Variants in IMMT observed in about 807,000 individuals in gnomAD.
IMMT encodes MICOS complex subunit MIC60.
In IMMT, 40 loss-of-function variants were observed where a neutral mutation model predicts 92.7. The ratio of observed to expected loss-of-function variants is 0.43; its 90% CI spans 0.34 to 0.56. The LOEUF is 0.56. Among genes scored for constraint, IMMT ranks in the 20% least tolerant of loss-of-function variants. IMMT has a pLI of 0.03. For missense variants in IMMT, 831 were observed against 912.1 expected, an observed-to-expected ratio of 0.91 and a Z score of 1.14; for synonymous variants, 322 against 336.1, an observed-to-expected ratio of 0.96 and a Z score of 0.46.
intron 6 of IMMT, among the ~76,000 whole-genome samples, chr2:86,167,171 T>TC (rs1491355988): frequency 3.3e-4 from 48 of 144,838 alleles, no homozygotes; most frequent in Non-Finnish European, 3.6e-4. Context: ...TTATTACACT[T>TC]CTTTTTTTTT....
chr2:86,193,375 C>G (rs1360300766), intron 1 of IMMT, among the ~76,000 whole-genome samples: 5 of 147,904 alleles, frequency 3.4e-5, no homozygotes, highest in African/African-American at 1.2e-4. Context: ...CCACTGCACT[C>G]CAGCCTGGGT....
intron 6 of IMMT, among the ~76,000 whole-genome samples, chr2:86,167,328 C>T (rs1379389855): frequency 6.0e-5 from 9 of 149,246 alleles, no homozygotes; most frequent in Admixed American, 1.3e-4. Context: ...CATACCACCA[C>T]GCCCAGCTAA....
At chr2:86,180,464 C>A (rs560913725) in intron 2 of IMMT, among the ~76,000 whole-genome samples, 99 of 150,694 alleles carry the variant, frequency 6.6e-4, no homozygotes, top group Admixed American at 3.0e-3. Context: ...CGGGGTTTCA[C>A]CAAGTTGGCC....
At chr2:86,193,746 A>C (rs1031726797) in intron 1 of IMMT, among the ~76,000 whole-genome samples, 1 of 152,234 alleles carries the variant, frequency 6.6e-6, no homozygotes, top group Non-Finnish European at 1.5e-5. Flanking sequence ...TGGTGAGAAT[A>C]AACCAAAGAA....
intron 6 of IMMT, among the ~76,000 whole-genome samples, chr2:86,168,219 A>G (rs1676849439): frequency 6.6e-6 from 1 of 152,262 alleles, no homozygotes; most frequent in Non-Finnish European, 1.5e-5. Flanking sequence ...ACATTTCTAT[A>G]TGCTGTTTCG....
At chr2:86,169,064 A>G (rs1008593437) in intron 6 of IMMT, among the ~76,000 whole-genome samples, 2 of 152,234 alleles carry the variant, frequency 1.3e-5, no homozygotes, top group Admixed American at 1.3e-4. Context: ...ATGCAAATGC[A>G]TATGTGTATA....
chr2:86,185,886 G>C (rs1016741694), intron 1 of IMMT, among the ~76,000 whole-genome samples: 1 of 152,192 alleles, frequency 6.6e-6, no homozygotes. Flanking sequence ...GTAGAACCAA[G>C]AGCTGAGGAG....
chr2:86,163,630 A>G (rs184439341), intron 7 of IMMT, among the ~76,000 whole-genome samples: 104 of 152,318 alleles, frequency 6.8e-4, no homozygotes, highest in Admixed American at 1.8e-3. Flanking sequence ...CTCCAGGATA[A>G]GAGTCCATAC....
chr2:86,172,135 T>C (rs985863615), intron 4 of IMMT, among the ~76,000 whole-genome samples: 1 of 151,810 alleles, frequency 6.6e-6, no homozygotes, highest in Non-Finnish European at 1.5e-5. Flanking sequence ...ACCTGGCTGA[T>C]TTTTACATTT....
At position 86,159,613 on chromosome 2, in the gene IMMT, C is replaced by T; in HGVS notation, c.955G>A (p.Gly319Arg). The T allele has an allele frequency of 6.3e-7, 1 of 1,586,028 alleles. No homozygotes were observed. Among genetic ancestry groups the T allele is most frequent in the Non-Finnish European group, 8.5e-7 (1 of 1,171,536 alleles). ...IENAKKKEVA[G>R]AKPHITAAEG... The stretch of plus-strand genomic sequence containing the variant: ...GCAGCAGTTATATGAGGCTTGGCCC[C>T]AGCAACCTCTTTTTTCTTTGCATTT... The change falls in exon 9 of 15, where the codon GGG becomes AGG. Residue 319 changes from glycine to arginine, a missense_variant. By Grantham distance (125) the Gly-to-Arg change is moderately radical. Coordinates refer to ENST00000410111, the MANE Select transcript of IMMT (RefSeq NM_006839.3).
chr2:86,162,359 G>A (rs1014883804), intron 7 of IMMT, among the ~76,000 whole-genome samples: 1 of 133,790 alleles, frequency 7.5e-6, no homozygotes, highest in African/African-American at 2.8e-5. Flanking sequence ...TTTTTTTTAA[G>A]ATTCTCAAAA....
chr2:86,149,334 C>G (rs1032690783), intron 12 of IMMT, among the ~76,000 whole-genome samples: 1 of 152,090 alleles, frequency 6.6e-6, no homozygotes, highest in Non-Finnish European at 1.5e-5. Flanking sequence ...CAAAAAATAC[C>G]AGGGTGCCTG....
intron 11 of IMMT, among the ~76,000 whole-genome samples, chr2:86,152,191 A>G (rs544419723): frequency 1.3e-5 from 2 of 152,262 alleles, no homozygotes; most frequent in South Asian, 4.1e-4. Context: ...CTGTAATCCC[A>G]GCACTTTGGG....
At chr2:86,181,711 C>T (rs1253550046) in intron 1 of IMMT, among the ~76,000 whole-genome samples, 1 of 151,798 alleles carries the variant, frequency 6.6e-6, no homozygotes, top group African/African-American at 2.4e-5. Context: ...AAAAAAAAAT[C>T]TATTTTTACT....
intron 3 of IMMT, 77 bp downstream of exon 3, chr2:86,179,356 C>T (rs1020794761): frequency 2.5e-6 from 3 of 1,209,872 alleles, no homozygotes; most frequent in African/African-American, 1.6e-5. Context: ...CAAAAGACAA[C>T]TGTATTTTCA....
intron 11 of IMMT, among the ~76,000 whole-genome samples, chr2:86,152,445 A>AAAAAAAAAAAAAAAC (rs1675528427): frequency 6.6e-6 from 1 of 150,882 alleles, no homozygotes; most frequent in African/African-American, 2.4e-5. Flanking sequence ...CATCTCAAAA[A>AAAAAAAAAAAAAAAC]AAAAAAAAAA....
chr2:86,190,317 G>A (rs747321094), intron 1 of IMMT, among the ~76,000 whole-genome samples: 8 of 152,224 alleles, frequency 5.3e-5, no homozygotes, highest in Non-Finnish European at 1.0e-4. Context: ...CCACACACAA[G>A]TTCAATCCTA....
At chr2:86,172,239 G>C (rs930016690) in intron 4 of IMMT, among the ~76,000 whole-genome samples, 3 of 151,832 alleles carry the variant, frequency 2.0e-5, no homozygotes, top group African/African-American at 7.3e-5. Context: ...CAAAGTGCTG[G>C]GATTACAGGT....
chr2:86,181,198 T>C lies in IMMT; in HGVS notation c.119+101A>G, dbSNP rs1573937807. Reference sequence around the variant, plus strand: ...AAGCTTCGGTGTATGTACCCCTTTTTAAAAAAAGGTTTAGACAGCTATTCC... The same window carrying C: ...AAGCTTCGGTGTATGTACCCCTTTTCAAAAAAAGGTTTAGACAGCTATTCC... On this transcript the variant is annotated intron_variant, in intron 2 of 14. Transcript: ENST00000410111. 2.5e-5 allele frequency: 21 copies of C among 824,422 alleles called. 1 individual carries two copies. In the East Asian group the frequency reaches 4.9e-4, roughly 19 times the overall value. The allele number at this position is 824,422 out of a possible 1,614,324, so 51.1% of individuals were successfully genotyped here. A position where few individuals can be genotyped will look rare whatever the true frequency, so the allele number is the denominator to read the frequency against.
Sources: gnomAD v4.1 joint callset for allele counts (sites outside exome capture counted in the v4.1 genomes callset) on GRCh38, gnomAD v4.1.1 for gene constraint, MANE v1.5 for transcripts, NCBI Gene and HGNC (gene_info 2026-07-23, HGNC 2026-07-21) for gene names.